The following TSPAN9 variants were observed in gnomAD, a reference collection of about 807,000 sequenced individuals.
TSPAN9 encodes tetraspanin 9, also known as tetraspanin-9.
TSPAN9 carries 16 observed loss-of-function variants against 31.0 expected under a neutral mutation model. That is an observed-to-expected ratio of 0.52 (90% CI 0.35 to 0.78). The LOEUF is 0.78. TSPAN9 is among the 30% of genes least tolerant of loss of function. The pLI is 0.01. For synonymous variants in TSPAN9, 145 were observed against 121.6 expected, an observed-to-expected ratio of 1.19 and a Z score of -1.27; for missense variants, 272 against 312.5, an observed-to-expected ratio of 0.87 and a Z score of 0.98.
intron 3 of TSPAN9, among the ~76,000 whole-genome samples, chr12:3,265,719 C>T (rs1000415655): frequency 2.6e-5 from 4 of 152,194 alleles, no homozygotes; most frequent in African/African-American, 9.7e-5. Flanking sequence ...TGTGTCACCT[C>T]CCCCAACTCA....
rs1052427263 is a variant in TSPAN9, at chr12:3,131,395, G to T, written c.-18+47676G>T. Among the ~76,000 whole-genome samples, 7 of 152,302 alleles carry T rather than the reference G, an allele frequency of 4.6e-5. No individual in the cohort carries two copies. In the East Asian group the frequency reaches 1.3e-3, roughly 29 times the overall value. On this transcript the variant is annotated intron_variant, in intron 2 of 8. Transcript: ENST00000011898. ...CGTACAGCAGCAGCCAGTTGCACAG[G>T]TGCTCCCATTAGGATCTCAGCCCCT...
chr12:3,122,593 A>G (rs2098325673), intron 2 of TSPAN9, among the ~76,000 whole-genome samples: 1 of 151,962 alleles, frequency 6.6e-6, no homozygotes, highest in Non-Finnish European at 1.5e-5. Context: ...GGGATTTTGA[A>G]TCTTTTGTCT....
Position 3,284,646 on chromosome 12 carries a change from C to A in TSPAN9, c.*1530C>A. The A allele has an allele frequency of 6.6e-6, 1 of 152,364 alleles. No individual in the cohort carries two copies. Among genetic ancestry groups the A allele is most frequent in the Non-Finnish European group, 1.5e-5 (1 of 68,024 alleles). The allele number at this position is 152,364 out of a possible 1,614,324, so 9.4% of individuals were successfully genotyped here. A position where few individuals can be genotyped will look rare whatever the true frequency, so the allele number is the denominator to read the frequency against. ...AGTGGGATTCAGCTGCAGCAGGGCG[C>A]CCCCTCCAAACTGCAGCTGGTCTGG... On this transcript the variant is annotated 3_prime_UTR_variant, in exon 9 of 9. Transcript: ENST00000011898.
intron 2 of TSPAN9, among the ~76,000 whole-genome samples, chr12:3,134,804 TGGA>T (rs2098331329): frequency 6.6e-6 from 1 of 152,030 alleles, no homozygotes; most frequent in African/African-American, 2.4e-5. Context: ...CTGGGGAAGG[TGGA>T]CGTATAGTCA....
At chr12:3,213,847 G>T (rs2098380042) in intron 3 of TSPAN9, among the ~76,000 whole-genome samples, 1 of 152,224 alleles carries the variant, frequency 6.6e-6, no homozygotes, top group South Asian at 2.1e-4. Context: ...GCAGGGAGGG[G>T]CTGGGCTGGG....
rs1365381043 is a variant in TSPAN9 at position 3,280,699 on chromosome 12, G to A, written c.432+216G>A. On this transcript the variant is annotated intron_variant, in intron 6 of 8. Transcript: ENST00000011898. This position sits in a 1 kb window ranked among gnomAD's most constrained non-coding sequence, Gnocchi z 4.5. ...AGGGATGAGGATACAGGAGGGGCAG[G>A]CCTGAGAGAGCTGTGGCTGAGCTTT... Among the ~76,000 whole-genome samples the A allele has an allele frequency of 6.6e-6, 1 of 152,252 alleles. No individual in the cohort carries two copies. Among genetic ancestry groups the A allele is most frequent in the Non-Finnish European group, 1.5e-5 (1 of 68,042 alleles).
chr12:3,079,786 T>C (rs2098296894), intron 1 of TSPAN9, among the ~76,000 whole-genome samples: 1 of 150,932 alleles, frequency 6.6e-6, no homozygotes, highest in Non-Finnish European at 1.5e-5. Flanking sequence ...TTTTTTTTTT[T>C]TTTAGAGACA....
At chr12:3,096,699 CT>C (rs778325755) in intron 2 of TSPAN9, among the ~76,000 whole-genome samples, 31 of 147,896 alleles carry the variant, frequency 2.1e-4, no homozygotes, top group Admixed American at 6.1e-4. Context: ...TTCTTTCTTT[CT>C]TTTTTTTTTT....
chr12:3,279,530 C>T (rs1862857190), intron 5 of TSPAN9, among the ~76,000 whole-genome samples: 1 of 152,230 alleles, frequency 6.6e-6, no homozygotes, highest in African/African-American at 2.4e-5. Flanking sequence ...GTTTCCTGCA[C>T]TAGAGCCCTT....
chr12:3,081,844 G>GTGTGTATATATATATATATA lies in TSPAN9; in HGVS notation c.-84-1808_-84-1807insGTGTATATATATATATATAT, dbSNP rs57812985. On this transcript the variant is annotated intron_variant, in intron 1 of 8. Coordinates refer to ENST00000011898, the MANE Select transcript of TSPAN9 (RefSeq NM_006675.5). ...TGTGTGTGTGTGTGTGTCTGTGTGT[G>GTGTGTATATATATATATATA]TATATATATGCCAGGTGTGGTGGTA... Among the ~76,000 whole-genome samples the GTGTGTATATATATATATATA allele has an allele frequency of 2.1e-3, 241 of 116,766 alleles. 8 individuals carry two copies. The highest frequency in any genetic ancestry group is 5.5e-3 in the African/African-American group (152 of 27,444). 76.6% of individuals were successfully genotyped at this position (116,766 alleles called of 152,430 possible). A position where few individuals can be genotyped will look rare whatever the true frequency, so the allele number is the denominator to read the frequency against.
chr12:3,228,822 G>A (rs991015317), intron 3 of TSPAN9, among the ~76,000 whole-genome samples: 1 of 152,228 alleles, frequency 6.6e-6, no homozygotes, highest in Non-Finnish European at 1.5e-5. Context: ...GAGGCCAGAT[G>A]TCTGAAATTG....
intron 3 of TSPAN9, among the ~76,000 whole-genome samples, chr12:3,238,973 C>T (rs2153976941): frequency 6.6e-6 from 1 of 152,326 alleles, no homozygotes; most frequent in South Asian, 2.1e-4. Flanking sequence ...GGGTGGCCGC[C>T]ATCTCAGCCC....
At chr12:3,153,721 TCTGTCTGTTTCTCTGTCTAG>T (rs2098340952) in intron 2 of TSPAN9, among the ~76,000 whole-genome samples, 1 of 152,124 alleles carries the variant, frequency 6.6e-6, no homozygotes, top group South Asian at 2.1e-4. Flanking sequence ...TGGATGTATC[TCTGTCTGTTTCTCTGTCTAG>T]CTGTCTGTTT....
At chr12:3,244,347 A>G (rs931415539) in intron 3 of TSPAN9, among the ~76,000 whole-genome samples, 4 of 152,004 alleles carry the variant, frequency 2.6e-5, no homozygotes, top group African/African-American at 9.6e-5. Flanking sequence ...CACTCCCTCA[A>G]GGCCTGTGGA....
At chr12:3,090,972 C>T (rs892870090) in intron 2 of TSPAN9, among the ~76,000 whole-genome samples, 1 of 152,238 alleles carries the variant, frequency 6.6e-6, no homozygotes, top group African/African-American at 2.4e-5. Context: ...ACGCGGCTAG[C>T]GCTGGCAGAG....
intron 3 of TSPAN9, among the ~76,000 whole-genome samples, chr12:3,264,802 C>T (rs983049284): frequency 6.6e-6 from 1 of 152,232 alleles, no homozygotes. Flanking sequence ...CTGACGACGA[C>T]TCTATGTGGT....
At chr12:3,161,021 G>T (rs879619759) in intron 2 of TSPAN9, among the ~76,000 whole-genome samples, 7 of 152,164 alleles carry the variant, frequency 4.6e-5, no homozygotes, top group Admixed American at 3.9e-4. Context: ...GGCAGTTCTA[G>T]ATCAGCCTGA....
intron 2 of TSPAN9, among the ~76,000 whole-genome samples, chr12:3,177,195 T>G (rs1323546508): frequency 1.3e-5 from 2 of 152,168 alleles, no homozygotes; most frequent in Non-Finnish European, 2.9e-5. Context: ...CGGACTGCAG[T>G]GGTGCGATCT....
At chr12:3,199,502 G>T (rs1311441517) in intron 2 of TSPAN9, among the ~76,000 whole-genome samples, 6 of 152,242 alleles carry the variant, frequency 3.9e-5, no homozygotes, top group African/African-American at 1.4e-4. Context: ...CCGAGCAAAA[G>T]CTCGTTTCTC....
Sources: gnomAD v4.1 joint callset for allele counts (sites outside exome capture counted in the v4.1 genomes callset) on GRCh38, gnomAD v4.1.1 for gene constraint, Gnocchi (gnomAD v3.1) non-coding constraint, MANE v1.5 for transcripts, NCBI Gene and HGNC (gene_info 2026-07-23, HGNC 2026-07-21) for gene names.